Variants in KIAA0753 observed in about 807,000 individuals in gnomAD.
The protein encoded by KIAA0753 is protein moonraker.
In KIAA0753, 114 loss-of-function variants were observed where a neutral mutation model predicts 116.9. That is an observed-to-expected ratio of 0.98 (90% CI 0.84 to 1.14). KIAA0753 has a LOEUF of 1.14. KIAA0753 is among the 50% of genes most tolerant of loss of function. The pLI is 0.00. For synonymous variants in KIAA0753, 405 were observed against 413.1 expected, an observed-to-expected ratio of 0.98 and a Z score of 0.24; for missense variants, 1,156 against 1,172.4, an observed-to-expected ratio of 0.99 and a Z score of 0.20.
Position 6,620,843 on chromosome 17 carries a change from C to T in KIAA0753, c.1260G>A (p.Lys420=). The T allele has an allele frequency of 1.2e-6, 2 of 1,614,186 alleles. No homozygotes were observed. The highest frequency in any genetic ancestry group is 1.7e-6 in the Non-Finnish European group (2 of 1,180,024). The stretch of plus-strand genomic sequence containing the variant: ...GACTTGTTTCCTGTGGGAATGTGTC[C>T]TTTGCTGTGAGGGGCCTCCTCTCAC... ...PKGERRPLTA[K]DTFPQETSRP... Residue 420 remains lysine, a synonymous_variant, in exon 7 of 19, where the codon AAG becomes AAA. Transcript: ENST00000361413.
At chr17:6,603,874 A>G (rs1970027520) in intron 12 of KIAA0753, among the ~76,000 whole-genome samples, 1 of 152,140 alleles carries the variant, frequency 6.6e-6, no homozygotes, top group East Asian at 1.9e-4. Context: ...CTGCAGAAAA[A>G]CCCATGGCCA....
rs770256450 is a variant in KIAA0753 at position 6,610,133 on chromosome 17, GTC to G, written c.1571_1572del (p.Arg524ThrfsTer7). Reference protein sequence around the residue: ...QQGLRKAERGRQSQPHSKSRV... With the variant: ...QQGLRKAERGXQSQPHSKSRV... ...CTGCTTTTACTGTGAGGTTGGCTTT[GTC>G]TACCTCTTTCAGCTTTGCGGAGTCC... On this transcript the variant is annotated frameshift_variant, in exon 9 of 19. Transcript: ENST00000361413. LOFTEE classifies it high-confidence loss of function. The G allele has an allele frequency of 5.5e-5, 88 of 1,613,980 alleles. No individual in the cohort carries two copies. The highest frequency in any genetic ancestry group is 6.7e-5 in the Non-Finnish European group (79 of 1,180,008).
chr17:6,608,919 T>A (rs1970361359), intron 9 of KIAA0753, among the ~76,000 whole-genome samples: 1 of 152,350 alleles, frequency 6.6e-6, no homozygotes, highest in South Asian at 2.1e-4. Flanking sequence ...TAATACAAAC[T>A]TCAACCACTG....
Position 6,578,293 on chromosome 17 carries a change from A to G in KIAA0753, c.*1454T>C, listed in dbSNP as rs1967908841. On this transcript the variant is annotated 3_prime_UTR_variant, in exon 19 of 19. Transcript: ENST00000361413. ...ACATTTCACTTTGCCTGTGGGAAAAAAAGGAGATGTAAGTTATTTAAAATA... is the reference window on the plus strand; with the variant it reads ...ACATTTCACTTTGCCTGTGGGAAAAGAAGGAGATGTAAGTTATTTAAAATA... 1 of 152,154 alleles carries G rather than the reference A, an allele frequency of 6.6e-6. No individual in the cohort carries two copies. The highest frequency in any genetic ancestry group is 6.5e-5 in the Admixed American group (1 of 15,272). The allele number at this position is 152,154 out of a possible 1,614,324, so 9.4% of individuals were successfully genotyped here. A position where few individuals can be genotyped will look rare whatever the true frequency, so the allele number is the denominator to read the frequency against.
intron 16 of KIAA0753, 131 bp from the exon 17 acceptor site, chr17:6,590,761 A>T: frequency 1.2e-6 from 1 of 817,220 alleles, no homozygotes. Context: ...GTTGGCTAGC[A>T]GTGCAATGGG....
intron 8 of KIAA0753, 21 bp from the exon 9 acceptor site, chr17:6,610,181 T>A (rs754491418): frequency 1.9e-6 from 3 of 1,613,104 alleles, no homozygotes; most frequent in Non-Finnish European, 2.5e-6. Context: ...TAAGTAAGAA[T>A]TATAAGGCCA....
intron 8 of KIAA0753, 144 bp from the exon 9 acceptor site, chr17:6,610,304 A>T (rs1970446169): frequency 7.8e-5 from 26 of 331,714 alleles, no homozygotes; most frequent in East Asian, 2.1e-4. Flanking sequence ...TGTGGCAGAA[A>T]TTTGGGGGAG....
rs1971579496 is a variant in KIAA0753 at position 6,625,092 on chromosome 17, C to G, written c.719-231G>C. On this transcript the variant is annotated intron_variant, in intron 3 of 18. Coordinates refer to ENST00000361413, the MANE Select transcript of KIAA0753 (RefSeq NM_014804.3). Reference sequence around the variant, plus strand: ...AGGGACATAAAGACATTTACTCCATCAAGCTCCCCTCCAGCCAGAATTCCC... The same window carrying G: ...AGGGACATAAAGACATTTACTCCATGAAGCTCCCCTCCAGCCAGAATTCCC... Among the ~76,000 whole-genome samples, 4 of 152,200 alleles carry G rather than the reference C, an allele frequency of 2.6e-5. No homozygotes were observed. In the South Asian group the frequency reaches 8.3e-4, roughly 32 times the overall value.
In KIAA0753 at chr17:6,590,545, G is replaced by T; in HGVS notation, c.2526C>A (p.Ala842=). The T allele has an allele frequency of 1.2e-6, 2 of 1,614,000 alleles. No individual in the cohort carries two copies. The highest frequency in any genetic ancestry group is 1.1e-5 in the South Asian group (1 of 91,070). Reference sequence around the variant, plus strand: ...AGGGCCTTTCTAACATGATGTTCACGGCTGGATCCTTGCGATCCACTGTCT... The same window carrying T: ...AGGGCCTTTCTAACATGATGTTCACTGCTGGATCCTTGCGATCCACTGTCT... ...ITKTVDRKDP[A]VNIMLERPCN... The change falls in exon 17 of 19, where the codon GCC becomes GCA. Residue 842 remains alanine, a synonymous_variant. Coordinates refer to ENST00000361413, the MANE Select transcript of KIAA0753 (RefSeq NM_014804.3).
At chr17:6,630,174 T>G (rs1971938167) in intron 2 of KIAA0753, among the ~76,000 whole-genome samples, 1 of 151,282 alleles carries the variant, frequency 6.6e-6, no homozygotes, top group African/African-American at 2.4e-5. Context: ...AGATCAAAAC[T>G]GAATAAAAAC....
Position 6,613,817 on chromosome 17 carries a change from G to C in KIAA0753, c.1316-1669C>G, listed in dbSNP as rs571964247. Among the ~76,000 whole-genome samples, 4 of 152,318 alleles carry C rather than the reference G, an allele frequency of 2.6e-5. No individual in the cohort carries two copies. The South Asian group carries it at 8.3e-4, about 32-fold the overall frequency. On this transcript the variant is annotated intron_variant, in intron 7 of 18. Transcript: ENST00000361413. The stretch of plus-strand genomic sequence containing the variant: ...AGACTATCAGTATAACACCAGGGCA[G>C]AAGAGACTTTCTTAAAGCTCAAATA...
intron 7 of KIAA0753, among the ~76,000 whole-genome samples, chr17:6,618,089 C>T (rs536722036): frequency 1.3e-5 from 2 of 151,642 alleles, no homozygotes; most frequent in South Asian, 4.2e-4. Context: ...GCAACGAGAG[C>T]GAGACTCGGT....
intron 1 of KIAA0753, 51 bp from the exon 2 acceptor site, chr17:6,635,222 G>T (rs1474702032): frequency 6.9e-6 from 5 of 729,364 alleles, no homozygotes; most frequent in Non-Finnish European, 1.2e-5. Context: ...CAAGGGAAAA[G>T]AACAGATAAA....
intron 10 of KIAA0753, among the ~76,000 whole-genome samples, chr17:6,608,009 C>T (rs1970300227): frequency 6.6e-6 from 1 of 152,108 alleles, no homozygotes; most frequent in African/African-American, 2.4e-5. Flanking sequence ...TCTCTATTGA[C>T]TATAAATAAG....
chr17:6,604,856 ATCT>A (rs947923398), intron 12 of KIAA0753, among the ~76,000 whole-genome samples: 4 of 152,118 alleles, frequency 2.6e-5, no homozygotes, highest in Non-Finnish European at 1.5e-5. Flanking sequence ...AATAAAAATA[ATCT>A]TCTATACCCA....
At chr17:6,614,590 C>G (rs773655684) in intron 7 of KIAA0753, among the ~76,000 whole-genome samples, 18 of 151,734 alleles carry the variant, frequency 1.2e-4, no homozygotes, top group Non-Finnish European at 2.6e-4. Context: ...GATACACAAG[C>G]AGTACAAATG....
At chr17:6,636,606 T>C (rs1753394944) in intron 1 of KIAA0753, among the ~76,000 whole-genome samples, 1 of 152,054 alleles carries the variant, frequency 6.6e-6, no homozygotes, top group African/African-American at 2.4e-5. Flanking sequence ...CCTTTCCCAC[T>C]GCTCCAGGAA....
intron 12 of KIAA0753, among the ~76,000 whole-genome samples, chr17:6,603,843 T>C (rs1287592921): frequency 1.3e-5 from 2 of 152,172 alleles, no homozygotes; most frequent in South Asian, 2.1e-4. Flanking sequence ...TAGAAAATAA[T>C]TGCTCTACTG....
intron 5 of KIAA0753, 117 bp from the exon 6 acceptor site, chr17:6,623,214 G>T: frequency 9.3e-7 from 1 of 1,074,242 alleles, no homozygotes; most frequent in Non-Finnish European, 1.3e-6. Flanking sequence ...TTTCTATTGT[G>T]AAAACTTTTT....
Sources: allele counts gnomAD v4.1 joint callset (sites outside exome capture counted in the v4.1 genomes callset), GRCh38; gene constraint gnomAD v4.1.1; transcripts MANE v1.5; gene names NCBI Gene and HGNC (gene_info 2026-07-23, HGNC 2026-07-21).